The following PTCHD4 variants were observed in gnomAD, a reference collection of about 807,000 sequenced individuals.
The protein encoded by PTCHD4 is patched domain-containing protein 4.
PTCHD4 carries 33 observed loss-of-function variants against 58.1 expected under a neutral mutation model. The observed-to-expected ratio is 0.57, with a 90% CI of 0.43 to 0.76. PTCHD4 has a LOEUF of 0.76. Among genes scored for constraint, PTCHD4 ranks in the 30% least tolerant of loss-of-function variants. PTCHD4 has a pLI of 0.00. For missense variants in PTCHD4, 1,058 were observed against 1,027.1 expected (o/e 1.03, Z -0.41); for synonymous variants, 478 against 409.6 (o/e 1.17, Z -2.02).
intron 3 of PTCHD4, among the ~76,000 whole-genome samples, chr6:48,012,967 C>T (rs576419847): frequency 6.6e-6 from 1 of 152,036 alleles, no homozygotes; most frequent in Non-Finnish European, 1.5e-5. Flanking sequence ...CTGCTGGACT[C>T]GGTTTGGCAG....
chr6:47,903,119 C>T (rs1764765577), intron 4 of PTCHD4, among the ~76,000 whole-genome samples: 1 of 152,034 alleles, frequency 6.6e-6, no homozygotes, highest in Non-Finnish European at 1.5e-5. Context: ...GGCCAAAATG[C>T]AACTCTGAAG....
intron 4 of PTCHD4, among the ~76,000 whole-genome samples, chr6:47,985,393 G>C (rs918895133): frequency 6.6e-6 from 1 of 151,980 alleles, no homozygotes; most frequent in Admixed American, 6.6e-5. Flanking sequence ...ATTTTCAGAT[G>C]GTAATAAAAT....
At position 47,878,388 on chromosome 6, in the gene PTCHD4, T is replaced by C; in HGVS notation, c.2447A>G (p.Lys816Arg). Reference sequence around the variant, plus strand: ...CTCCTTTCGCTTGGCACGTTTCTTTTTCTTGTGGTGCTTTTTGGAAGGGGG... The same window carrying C: ...CTCCTTTCGCTTGGCACGTTTCTTTCTCTTGTGGTGCTTTTTGGAAGGGGG... ...FFPPSKKHHK[K>R]KKRAKRKERE... is the part of the protein sequence containing the mutation. The change falls in exon 5 of 5, where the codon AAA becomes AGA. Residue 816 changes from lysine to arginine, a missense_variant. Transcript: ENST00000339488. 6.2e-7 allele frequency: 1 copy of C among 1,613,328 alleles called. No homozygotes were observed.
intron 4 of PTCHD4, among the ~76,000 whole-genome samples, chr6:47,989,269 A>T (rs1163016660): frequency 6.6e-6 from 1 of 152,230 alleles, no homozygotes; most frequent in Non-Finnish European, 1.5e-5. Flanking sequence ...TCAGTTTTAT[A>T]AGGGAAGCAG....
At chr6:48,047,193 T>C (rs1284470179) in intron 3 of PTCHD4, among the ~76,000 whole-genome samples, 2 of 151,628 alleles carry the variant, frequency 1.3e-5, no homozygotes, top group Non-Finnish European at 2.9e-5. Flanking sequence ...GACTGTAGTG[T>C]TTTTTTCAAG....
intron 4 of PTCHD4, among the ~76,000 whole-genome samples, chr6:47,904,207 C>T (rs1395720944): frequency 6.6e-6 from 1 of 152,094 alleles, no homozygotes; most frequent in Non-Finnish European, 1.5e-5. Context: ...ACCTTGGTTG[C>T]CATCATGAGA....
intron 4 of PTCHD4, among the ~76,000 whole-genome samples, chr6:47,966,256 T>G (rs1007221774): frequency 6.6e-6 from 1 of 152,228 alleles, no homozygotes; most frequent in Non-Finnish European, 1.5e-5. Context: ...ACACATTTTT[T>G]GCTTTTTCAG....
At position 47,878,511 on chromosome 6, in the gene PTCHD4, G is replaced by T; in HGVS notation, c.2324C>A (p.Ser775Ter). 6.2e-7 allele frequency: 1 copy of T among 1,613,434 alleles called. No individual in the cohort carries two copies. The highest frequency in any genetic ancestry group is 8.5e-7 in the Non-Finnish European group (1 of 1,179,700). ...IGLVPLLFVP[S>*]NLTFTLFKCL... ...TTTGAACAGTGTGAAGGTCAGGTTC[G>T]AAGGCACAAATAGAAGGGGGACTAA... Residue 775 changes from serine (S) to a stop codon, truncating the protein, a stop_gained, in exon 5 of 5, where the codon TCG (serine) becomes TAG (stop). Coordinates refer to ENST00000339488, the MANE Select transcript of PTCHD4 (RefSeq NM_001384253.1). LOFTEE classifies it high-confidence loss of function.
chr6:48,034,483 T>A (rs1763560174), intron 3 of PTCHD4, among the ~76,000 whole-genome samples: 1 of 152,098 alleles, frequency 6.6e-6, no homozygotes, highest in African/African-American at 2.4e-5. Context: ...ATTCTCTTAA[T>A]TTCCTTGGAA....
intron 3 of PTCHD4, among the ~76,000 whole-genome samples, chr6:48,046,173 A>C (rs1764030537): frequency 6.6e-6 from 1 of 151,890 alleles, no homozygotes; most frequent in African/African-American, 2.4e-5. Flanking sequence ...AGTTTACTTT[A>C]GCTAATTTTT....
At chr6:48,026,401 A>G (rs2814489) in intron 3 of PTCHD4, among the ~76,000 whole-genome samples, 131,727 of 152,148 alleles carry the variant, frequency 0.87, 57,009 homozygotes, top group Non-Finnish European at 0.87. Flanking sequence ...ATTTTGCAGC[A>G]GACAATTTGG....
In PTCHD4 at chr6:48,068,630, G is replaced by C; in HGVS notation, c.17C>G (p.Ala6Gly). 1 of 1,553,470 alleles carries C rather than the reference G, an allele frequency of 6.4e-7. No homozygotes were observed. The highest frequency in any genetic ancestry group is 1.9e-5 in the Admixed American group (1 of 52,108). The change falls in exon 3 of 5, where the codon GCG (alanine) becomes GGG (glycine). Residue 6 changes from alanine (A) to glycine (G), a missense_variant. By Grantham distance (60) the Ala-to-Gly change is moderately conservative. Transcript: ENST00000339488. The surrounding 1 kb of genome is among the most constrained non-coding windows in gnomAD (Gnocchi z 4.2). ...CCTCCACCAGATCCAGCTCGCAGGC[G>C]CTCCCGGCCGTCTTAAAAAGCACAT... MRRPG[A>G]PASWIWWRML... is the part of the protein sequence containing the mutation.
At chr6:48,070,123 T>TG (rs1764948058) in intron 1 of PTCHD4, among the ~76,000 whole-genome samples, 197 bp from the exon 2 acceptor site, 6 of 146,734 alleles carry the variant, frequency 4.1e-5, no homozygotes, top group African/African-American at 1.3e-4. Flanking sequence ...AAGTGTGTGT[T>TG]TGTGTGTGTG....
At chr6:47,954,287 G>A (rs895895939) in intron 4 of PTCHD4, among the ~76,000 whole-genome samples, 5 of 152,164 alleles carry the variant, frequency 3.3e-5, no homozygotes, top group African/African-American at 1.2e-4. Flanking sequence ...AACTTGGGAG[G>A]TGGGGGTTGC....
chr6:48,074,808 G>T (rs950191341), intron 1 of PTCHD4, among the ~76,000 whole-genome samples: 7 of 152,176 alleles, frequency 4.6e-5, no homozygotes, highest in African/African-American at 1.4e-4. Flanking sequence ...TGCTTCTGGA[G>T]ACTGCTTTCT....
chr6:48,047,660 A>T (rs1764084005), intron 3 of PTCHD4, among the ~76,000 whole-genome samples: 1 of 151,764 alleles, frequency 6.6e-6, no homozygotes, highest in Non-Finnish European at 1.5e-5. Flanking sequence ...TTGGGAAGTG[A>T]CTAGGTAATC....
intron 4 of PTCHD4, among the ~76,000 whole-genome samples, chr6:47,961,464 T>C (rs2113968709): frequency 6.6e-6 from 1 of 151,922 alleles, no homozygotes; most frequent in East Asian, 1.9e-4. Context: ...GGCTAATTTT[T>C]GTATTTTTTA....
rs1561927660 is a variant in PTCHD4, at chr6:47,867,239, C to CT, written c.*11063dup. Among the ~76,000 whole-genome samples, 1 of 151,750 alleles carries CT rather than the reference C, an allele frequency of 6.6e-6. No individual in the cohort carries two copies. The highest frequency in any genetic ancestry group is 1.5e-5 in the Non-Finnish European group (1 of 67,840). On this transcript the variant is annotated 3_prime_UTR_variant, in exon 5 of 5. Transcript: ENST00000339488. ...TCCATGTCAGTCTCTTACTCTCACACTTTGAGGGCTTTTGTGCCAGAACGT... is the reference window on the plus strand; with the variant it reads ...TCCATGTCAGTCTCTTACTCTCACACTTTTGAGGGCTTTTGTGCCAGAACGT...
intron 4 of PTCHD4, chr6:47,901,817 C>G: frequency 7.8e-7 from 1 of 1,286,564 alleles, no homozygotes; most frequent in Middle Eastern, 2.5e-4. Context: ...GGAGTCTTCA[C>G]ATATAATCTT....
Sources: allele counts gnomAD v4.1 joint callset (sites outside exome capture counted in the v4.1 genomes callset), GRCh38; gene constraint gnomAD v4.1.1; non-coding constraint Gnocchi (gnomAD v3.1); transcripts MANE v1.5; gene names NCBI Gene and HGNC (gene_info 2026-07-23, HGNC 2026-07-21).